The following NSUN2 variants were observed in gnomAD, a reference collection of about 807,000 sequenced individuals.
NSUN2 encodes NOP2/Sun RNA methyltransferase 2.
A neutral mutation model predicts 92.7 loss-of-function variants in NSUN2; 63 were observed. The ratio of observed to expected loss-of-function variants is 0.68; its 90% CI spans 0.56 to 0.84. The LOEUF is 0.84. NSUN2 is among the 40% of genes least tolerant of loss of function. The probability of loss-of-function intolerance (pLI) is 0.00; values close to 1 mark genes in which losing one functional copy is unlikely to be tolerated. For synonymous variants in NSUN2, 356 were observed against 348.3 expected (o/e 1.02, Z -0.25); for missense variants, 989 against 964.9 (o/e 1.02, Z -0.33).
rs1324561296 is a variant in NSUN2 at position 6,599,396 on chromosome 5, C to A, written c.*530G>T. The A allele has an allele frequency of 2.0e-5, 3 of 152,786 alleles. No individual in the cohort carries two copies. The highest frequency in any genetic ancestry group is 7.2e-5 in the African/African-American group (3 of 41,422). 9.5% of individuals were successfully genotyped at this position (152,786 alleles called of 1,614,324 possible). On this transcript the variant is annotated 3_prime_UTR_variant, in exon 19 of 19. Coordinates refer to ENST00000264670, the MANE Select transcript of NSUN2 (RefSeq NM_017755.6). Reference sequence around the variant, plus strand: ...TCTTACTCTGGGAGAGTTTATTTTACCCTTTATTCCAAAAGGCACAAAGTC... The same window carrying A: ...TCTTACTCTGGGAGAGTTTATTTTAACCTTTATTCCAAAAGGCACAAAGTC...
At chr5:6,601,824 C>T (rs1736568492) in intron 18 of NSUN2, among the ~76,000 whole-genome samples, 1 of 152,180 alleles carries the variant, frequency 6.6e-6, no homozygotes, top group Non-Finnish European at 1.5e-5. Context: ...TTGCATGTCA[C>T]CAAGACGGAG....
At position 6,611,739 on chromosome 5, in the gene NSUN2, T is replaced by C; in HGVS notation, c.1081A>G (p.Ile361Val). The change falls in exon 10 of 19, where the codon ATC (isoleucine) becomes GTC (valine). Residue 361 changes from isoleucine (I) to valine (V), a missense_variant. Physicochemically the swap from Ile to Val is conservative, Grantham distance 29. Around this residue, in one of 3 missense-constraint regions of NSUN2, gnomAD observed 626 missense variants for 602.3 expected, o/e 1.04. Transcript: ENST00000264670. ...ELPGLKWMPG[I>V]TQWKVMTKDG... ...GGAAAGGTTACCTTCCACTGTGTGA[T>C]TCCAGGCATCCACTTCAGCCCTGGC... 6.2e-7 allele frequency: 1 copy of C among 1,614,168 alleles called. No homozygotes were observed.
intron 11 of NSUN2, among the ~76,000 whole-genome samples, chr5:6,610,360 G>A (rs1736937455): frequency 6.6e-6 from 1 of 151,338 alleles, no homozygotes; most frequent in Admixed American, 6.6e-5. Context: ...TTACAGGATT[G>A]GGCCACTGCA....
At position 6,632,211 on chromosome 5, in the gene NSUN2, A is replaced by AT. The variant is rs3217324; in HGVS notation, c.255-235_255-234insA. ...TCTCTCCTAAGCATATCCTACCGTTAAGTTTTACTTGCGACTCATTTAGAA... is the reference window on the plus strand; with the variant it reads ...TCTCTCCTAAGCATATCCTACCGTTATAGTTTTACTTGCGACTCATTTAGAA... On this transcript the variant is annotated intron_variant, in intron 2 of 18. Transcript: ENST00000264670. Among the ~76,000 whole-genome samples, 67,590 of 151,498 alleles carry AT rather than the reference A, an allele frequency of 0.45. 15,951 individuals carry two copies. The highest frequency in any genetic ancestry group is 0.73 in the East Asian group (3,765 of 5,124).
intron 15 of NSUN2, chr5:6,604,993 C>A: frequency 5.2e-6 from 3 of 582,024 alleles, no homozygotes; most frequent in South Asian, 4.3e-5. Flanking sequence ...ACCTTCTCTG[C>A]CCAGGAGGGC....
At chr5:6,617,745 C>T (rs571597241) in intron 8 of NSUN2, among the ~76,000 whole-genome samples, 3 of 152,324 alleles carry the variant, frequency 2.0e-5, no homozygotes, top group East Asian at 1.9e-4. Flanking sequence ...TTTTAATAAA[C>T]GTGTTATCTG....
intron 4 of NSUN2, 66 bp from the exon 5 acceptor site, chr5:6,623,351 T>G (rs1737538360): frequency 7.1e-7 from 1 of 1,402,722 alleles, no homozygotes; most frequent in Admixed American, 2.3e-5. Context: ...AATTTCAATC[T>G]TTGGCATTGT....
chr5:6,609,904 A>ATGGGGTAATATCC lies in NSUN2; in HGVS notation c.1232_1244dup (p.His415GlnfsTer27). 6.2e-7 allele frequency: 1 copy of ATGGGGTAATATCC among 1,611,740 alleles called. No homozygotes were observed. The highest frequency in any genetic ancestry group is 8.5e-7 in the Non-Finnish European group (1 of 1,177,992). ...CAAAAAACCCTCCAGTATTCTGATG[A>ATGGGGTAATATCC]TGGGGTAATATCCTAAGGCTAAATA... is the stretch of plus-strand genomic sequence containing the variant. On this transcript the variant is annotated frameshift_variant, in exon 12 of 19. Transcript: ENST00000264670. LOFTEE classifies it high-confidence loss of function.
In NSUN2 at chr5:6,616,851, C is replaced by A. The variant is rs1425775622; in HGVS notation, c.897G>T (p.Gln299His). The A allele has an allele frequency of 6.2e-7, 1 of 1,612,994 alleles. No homozygotes were observed. The highest frequency in any genetic ancestry group is 1.7e-5 in the Admixed American group (1 of 59,858). The change falls in exon 9 of 19, where the codon CAG becomes CAT. Residue 299 changes from glutamine (Q) to histidine (H), a missense_variant. This residue lies in a region of NSUN2 where 626 missense variants were observed against 602.3 expected (regional missense o/e 1.04). Transcript: ENST00000264670. ...CAGCCCCGCGTGTTGCAATCCGCAG[C>A]TGTAAGCTAAGGGGAGATATCAGAT... is the stretch of plus-strand genomic sequence containing the variant. ...TLNSLQLHGLQLRIATRGAEQ... is the reference protein window; with the variant it reads ...TLNSLQLHGLHLRIATRGAEQ...
At position 6,607,194 on chromosome 5, in the gene NSUN2, T is replaced by C; in HGVS notation, c.1508+6A>G. 10 of 1,613,952 alleles carry C rather than the reference T, an allele frequency of 6.2e-6. No individual in the cohort carries two copies. The highest frequency in any genetic ancestry group is 8.5e-6 in the Non-Finnish European group (10 of 1,179,828). On this transcript the variant is annotated splice_donor_region_variant and intron_variant, in intron 13 of 18. Transcript: ENST00000264670. ...TATTAGATCAAGACATAACCACTTTTCTTACCCACACACGCCATCTTTCTT... is the reference window on the plus strand; with the variant it reads ...TATTAGATCAAGACATAACCACTTTCCTTACCCACACACGCCATCTTTCTT...
chr5:6,610,317 T>A (rs2126480806), intron 11 of NSUN2, among the ~76,000 whole-genome samples: 1 of 152,160 alleles, frequency 6.6e-6, no homozygotes, highest in Admixed American at 6.5e-5. Flanking sequence ...GCTCAAGTGA[T>A]CCATCAGCCT....
At position 6,610,998 on chromosome 5, in the gene NSUN2, G is replaced by T; in HGVS notation, c.1183C>A (p.Pro395Thr). ...GCCTGCAGCTTTTCTGGGTCCTTCGGAGGGAACATGGTAGGTCGGATCTGG... is the reference window on the plus strand; with the variant it reads ...GCCTGCAGCTTTTCTGGGTCCTTCGTAGGGAACATGGTAGGTCGGATCTGG... ...HTQIRPTMFP[P>T]KDPEKLQAMH... The change falls in exon 11 of 19, where the codon CCG becomes ACG. Residue 395 changes from proline (P) to threonine (T), a missense_variant. Coordinates refer to ENST00000264670, the MANE Select transcript of NSUN2 (RefSeq NM_017755.6). 1 of 1,614,194 alleles carries T rather than the reference G, an allele frequency of 6.2e-7. No homozygotes were observed. The highest frequency in any genetic ancestry group is 8.5e-7 in the Non-Finnish European group (1 of 1,180,032).
chr5:6,614,633 C>G (rs1384770242), intron 9 of NSUN2, among the ~76,000 whole-genome samples: 1 of 152,162 alleles, frequency 6.6e-6, no homozygotes, highest in Non-Finnish European at 1.5e-5. Context: ...CACGAAGCCA[C>G]TCCTTCAAAC....
intron 10 of NSUN2, among the ~76,000 whole-genome samples, chr5:6,611,455 A>AAAAAAAAAAAAAAAAAG (rs1425873139): frequency 6.8e-6 from 1 of 148,038 alleles, no homozygotes; most frequent in Admixed American, 6.6e-5. Flanking sequence ...ATTTAAAAAA[A>AAAAAAAAAAAAAAAAAG]AAAAAAAAAA....
At chr5:6,613,711 A>T (rs954100598) in intron 9 of NSUN2, among the ~76,000 whole-genome samples, 1 of 152,174 alleles carries the variant, frequency 6.6e-6, no homozygotes, top group Non-Finnish European at 1.5e-5. Context: ...TAAAGGTGCG[A>T]TTTTGGCCTT....
chr5:6,612,353 G>T (rs1421539718), intron 9 of NSUN2, among the ~76,000 whole-genome samples: 1 of 152,148 alleles, frequency 6.6e-6, no homozygotes, highest in Non-Finnish European at 1.5e-5. Flanking sequence ...AATGAACTAT[G>T]GGAATTTTTA....
At chr5:6,611,147 G>C (rs1010063416) in intron 10 of NSUN2, 62 bp from the exon 11 acceptor site, 3 of 1,574,304 alleles carry the variant, frequency 1.9e-6, no homozygotes, top group African/African-American at 2.7e-5. Flanking sequence ...AAAAATCACA[G>C]GGCAGGAGTA....
In NSUN2 at chr5:6,632,060, G is replaced by A. The variant is rs1017044376; in HGVS notation, c.255-83C>T. 9 of 1,153,814 alleles carry A rather than the reference G, an allele frequency of 7.8e-6. No individual in the cohort carries two copies. In the South Asian group the frequency reaches 8.3e-5, roughly 11 times the overall value. The allele number at this position is 1,153,814 out of a possible 1,614,324, so 71.5% of individuals were successfully genotyped here. ...TCTTCTTAAATTTAAGACTGCAAGT[G>A]TTTTAAAACTAAAACCAACTTTTGC... On this transcript the variant is annotated intron_variant, in intron 2 of 18. Transcript: ENST00000264670.
At chr5:6,612,994 T>C (rs777517714) in intron 9 of NSUN2, among the ~76,000 whole-genome samples, 1 of 152,222 alleles carries the variant, frequency 6.6e-6, no homozygotes, top group Non-Finnish European at 1.5e-5. Flanking sequence ...TGCTCCTTCC[T>C]GCATAAAGCC....
Sources: gnomAD v4.1 joint callset for allele counts (sites outside exome capture counted in the v4.1 genomes callset) on GRCh38, gnomAD v4.1.1 for gene constraint, gnomAD v4.1.1 regional missense constraint, MANE v1.5 for transcripts, NCBI Gene and HGNC (gene_info 2026-07-23, HGNC 2026-07-21) for gene names.